Variants in TAB2 observed in about 807,000 individuals in gnomAD.
TAB2 encodes the protein TGF-beta-activated kinase 1 and MAP3K7-binding protein 2.
In TAB2, 3 loss-of-function variants were observed where a neutral mutation model predicts 65.0. That is an observed-to-expected ratio of 0.05 (90% CI 0.02 to 0.12). The LOEUF (loss-of-function observed/expected upper bound fraction) is 0.12. Ranked by LOEUF, TAB2 falls within the 10% of genes least tolerant of loss-of-function variation. TAB2 has a pLI of 1.00. For missense variants in TAB2, 623 were observed against 840.3 expected, an observed-to-expected ratio of 0.74 and a Z score of 3.20; for synonymous variants, 298 against 285.1, an observed-to-expected ratio of 1.05 and a Z score of -0.46.
intron 6 of TAB2, among the ~76,000 whole-genome samples, chr6:149,402,007 AAAAAG>A (rs200854990): frequency 0.016 from 2,446 of 151,934 alleles, 66 homozygotes; most frequent in African/African-American, 0.056. Context: ...TTAAAAAAAA[AAAAAG>A]AAAGATCTCA....
intron 1 of TAB2, among the ~76,000 whole-genome samples, chr6:149,349,310 C>G (rs1172095466): frequency 6.6e-6 from 1 of 150,422 alleles, no homozygotes; most frequent in African/African-American, 2.4e-5. Flanking sequence ...ATCCTAGCTA[C>G]TTGGGAGGCT....
intron 3 of TAB2, among the ~76,000 whole-genome samples, chr6:149,382,099 T>A (rs1281293705): frequency 1.3e-5 from 2 of 152,232 alleles, no homozygotes; most frequent in African/African-American, 4.8e-5. Context: ...CCCTACAGGA[T>A]GAGCAGCTTC....
At chr6:149,244,305 T>C (rs1446661818) in intron 1 of TAB2, 1 of 152,258 alleles carries the variant, frequency 6.6e-6, no homozygotes, top group Non-Finnish European at 1.5e-5. Flanking sequence ...CGGAAATGAA[T>C]AGGCTTGGTT....
At chr6:149,393,418 T>C (rs1782061252) in intron 3 of TAB2, among the ~76,000 whole-genome samples, 1 of 152,238 alleles carries the variant, frequency 6.6e-6, no homozygotes, top group Non-Finnish European at 1.5e-5. Context: ...TGTGAATTTC[T>C]AAGGATGCAA....
At chr6:149,316,087 T>A (rs75866831), upstream of TAB2, among the ~76,000 whole-genome samples, 2 of 152,250 alleles carry the variant, frequency 1.3e-5, no homozygotes, top group Admixed American at 1.3e-4. Context: ...TCATTGAGTA[T>A]GGAAATAATT....
chr6:149,390,792 A>G (rs1471625438), intron 3 of TAB2, among the ~76,000 whole-genome samples: 1 of 152,182 alleles, frequency 6.6e-6, no homozygotes, highest in Non-Finnish European at 1.5e-5. Context: ...GATTTAAAAG[A>G]TACTGAATAT....
chr6:149,272,673 A>G (rs1252057184), intron 1 of TAB2, among the ~76,000 whole-genome samples: 1 of 152,106 alleles, frequency 6.6e-6, no homozygotes, highest in Non-Finnish European at 1.5e-5. Flanking sequence ...ACACCCACAA[A>G]GTCCATTCTG....
chr6:149,271,129 G>A (rs1746456840), intron 1 of TAB2, among the ~76,000 whole-genome samples: 1 of 151,894 alleles, frequency 6.6e-6, no homozygotes, highest in Admixed American at 6.6e-5. Flanking sequence ...GATTGCTTGA[G>A]CCCAGGAGTT....
intron 1 of TAB2, among the ~76,000 whole-genome samples, chr6:149,283,786 T>C (rs1778619377): frequency 6.6e-6 from 1 of 152,088 alleles, no homozygotes; most frequent in African/African-American, 2.4e-5. Flanking sequence ...TTGGGAACAA[T>C]ATAGAGTTGA....
At chr6:149,292,659 T>C (rs1293296991) in intron 1 of TAB2, among the ~76,000 whole-genome samples, 2 of 152,176 alleles carry the variant, frequency 1.3e-5, no homozygotes, top group Non-Finnish European at 2.9e-5. Context: ...ATATAGAATG[T>C]CATAAAGATG....
chr6:149,257,844 C>G (rs562718903), intron 1 of TAB2, among the ~76,000 whole-genome samples: 1 of 152,140 alleles, frequency 6.6e-6, no homozygotes, highest in East Asian at 1.9e-4. Context: ...CAAGTGAATG[C>G]AACTCTAAGA....
chr6:149,230,650 A>T (rs1777384832), intron 1 of TAB2, among the ~76,000 whole-genome samples: 1 of 152,238 alleles, frequency 6.6e-6, no homozygotes, highest in Non-Finnish European at 1.5e-5. Context: ...GGTCCTTGAT[A>T]ATAAGCTCAT....
chr6:149,384,943 T>C (rs1781741115), intron 3 of TAB2, among the ~76,000 whole-genome samples: 1 of 152,170 alleles, frequency 6.6e-6, no homozygotes, highest in Admixed American at 6.5e-5. Context: ...TGGTAAACTT[T>C]TTATTATTTA....
At chr6:149,357,843 G>T (rs1318785848) in intron 1 of TAB2, among the ~76,000 whole-genome samples, 2 of 152,034 alleles carry the variant, frequency 1.3e-5, no homozygotes, top group African/African-American at 4.8e-5. Context: ...AGGATTACAG[G>T]CATCCACCCC....
At chr6:149,397,456 AT>A in intron 3 of TAB2, 147 bp from the exon 4 acceptor site, 9 of 952,716 alleles carry the variant, frequency 9.4e-6, no homozygotes, top group East Asian at 2.6e-5. Flanking sequence ...AAAAAAAAAA[AT>A]TGAAATTTTA....
chr6:149,306,078 G>A (rs972616980), intron 1 of TAB2, among the ~76,000 whole-genome samples: 2 of 152,130 alleles, frequency 1.3e-5, no homozygotes, highest in African/African-American at 4.8e-5. Flanking sequence ...TGTTATACAG[G>A]GCTATACAAT....
At chr6:149,283,478 G>A (rs1470114802) in intron 1 of TAB2, among the ~76,000 whole-genome samples, 1 of 152,142 alleles carries the variant, frequency 6.6e-6, no homozygotes, top group African/African-American at 2.4e-5. Flanking sequence ...GGGAGGCTGA[G>A]GTAGGTGGAT....
At chr6:149,322,875 A>G (rs1015444592) in intron 1 of TAB2, among the ~76,000 whole-genome samples, 2 of 152,166 alleles carry the variant, frequency 1.3e-5, no homozygotes, top group African/African-American at 4.8e-5. Context: ...AGTTTTTGCA[A>G]AGATAAAATA....
intron 1 of TAB2, among the ~76,000 whole-genome samples, chr6:149,329,589 A>C (rs1396162321): frequency 6.8e-6 from 1 of 145,996 alleles, no homozygotes; most frequent in East Asian, 2.1e-4. Context: ...AAATAGAGGC[A>C]GTAGCAAATG....
Sources: allele counts gnomAD v4.1 joint callset (sites outside exome capture counted in the v4.1 genomes callset), GRCh38; gene constraint gnomAD v4.1.1; transcripts MANE v1.5; gene names NCBI Gene and HGNC (gene_info 2026-07-23, HGNC 2026-07-21).